The following ELOVL6 variants were observed in gnomAD, a reference collection of about 807,000 sequenced individuals.
ELOVL6 encodes the protein ELOVL fatty acid elongase 6, also known as very long chain fatty acid elongase 6.
A neutral mutation model predicts 31.7 loss-of-function variants in ELOVL6; 8 were observed. That is an observed-to-expected ratio of 0.25 (90% CI 0.15 to 0.45). ELOVL6 has a LOEUF of 0.45. Among genes scored for constraint, ELOVL6 ranks in the 20% least tolerant of loss-of-function variants. The pLI is 1.00. For missense variants in ELOVL6, 126 were observed against 326.4 expected (o/e 0.39, Z 4.73); for synonymous variants, 101 against 117.7 (o/e 0.86, Z 0.92).
intron 1 of ELOVL6, among the ~76,000 whole-genome samples, chr4:110,129,032 T>C (rs976324395): frequency 2.0e-5 from 3 of 152,242 alleles, no homozygotes; most frequent in Admixed American, 2.0e-4. Flanking sequence ...CATTCAGTAC[T>C]CAAAGGCAAA....
chr4:110,094,569 T>C (rs1286286423), intron 2 of ELOVL6, among the ~76,000 whole-genome samples: 1 of 149,118 alleles, frequency 6.7e-6, no homozygotes, highest in Non-Finnish European at 1.5e-5. Context: ...GAAGAGCAAA[T>C]ACAAGGGCCC....
At chr4:110,053,326 A>G (rs1228734505) in intron 3 of ELOVL6, among the ~76,000 whole-genome samples, 1 of 152,222 alleles carries the variant, frequency 6.6e-6, no homozygotes, top group African/African-American at 2.4e-5. Context: ...TACTTCACAG[A>G]TGGCCTAAAA....
chr4:110,082,722 T>C (rs879508007), intron 2 of ELOVL6, among the ~76,000 whole-genome samples: 2 of 152,150 alleles, frequency 1.3e-5, no homozygotes, highest in Non-Finnish European at 2.9e-5. Flanking sequence ...TGTGCACATG[T>C]ACCCTAAAAC....
rs1209172251 is a variant in ELOVL6 at position 110,048,743 on chromosome 4, T to A, written c.*2595A>T. The stretch of plus-strand genomic sequence containing the variant: ...AAAAAATGTGGCTTTTTTCCTCCCA[T>A]GATAAACATTGGAAATGCCTTTAGA... On this transcript the variant is annotated 3_prime_UTR_variant, in exon 4 of 4. Coordinates refer to ENST00000302274, the MANE Select transcript of ELOVL6 (RefSeq NM_024090.3). 6.6e-6 allele frequency: 1 copy of A among 152,214 alleles called. No individual in the cohort carries two copies. The highest frequency in any genetic ancestry group is 1.5e-5 in the Non-Finnish European group (1 of 68,042). 9.4% of individuals were successfully genotyped at this position (152,214 alleles called of 1,614,324 possible).
rs1463091049 is a variant in ELOVL6, at chr4:110,051,822, C to T, written c.374-60G>A. ...CTTGACCACCAGTAACGATGACTTACAGTTTTGTAAGAGGGTAGACATCCT... is the reference window on the plus strand; with the variant it reads ...CTTGACCACCAGTAACGATGACTTATAGTTTTGTAAGAGGGTAGACATCCT... On this transcript the variant is annotated intron_variant, in intron 3 of 3. Coordinates refer to ENST00000302274, the MANE Select transcript of ELOVL6 (RefSeq NM_024090.3). The surrounding 1 kb of genome is among the most constrained non-coding windows in gnomAD (Gnocchi z 4.8). The T allele has an allele frequency of 9.0e-6, 13 of 1,449,624 alleles. No individual in the cohort carries two copies. The highest frequency in any genetic ancestry group is 1.2e-5 in the Non-Finnish European group (13 of 1,057,420). 89.8% of individuals were successfully genotyped at this position (1,449,624 alleles called of 1,614,324 possible). A position where few individuals can be genotyped will look rare whatever the true frequency, so the allele number is the denominator to read the frequency against.
intron 2 of ELOVL6, among the ~76,000 whole-genome samples, chr4:110,068,810 A>G (rs1422249237): frequency 6.6e-6 from 1 of 152,136 alleles, no homozygotes; most frequent in Non-Finnish European, 1.5e-5. Context: ...CCTGATAAAA[A>G]CCACCTGGCA....
chr4:110,110,496 C>T (rs984024849), intron 1 of ELOVL6, among the ~76,000 whole-genome samples: 1 of 150,332 alleles, frequency 6.7e-6, no homozygotes, highest in Admixed American at 6.7e-5. Context: ...CAGCCTCAGC[C>T]TCCAGGGCTC....
intron 1 of ELOVL6, among the ~76,000 whole-genome samples, chr4:110,149,457 T>C (rs1000704473): frequency 6.6e-6 from 1 of 152,166 alleles, no homozygotes; most frequent in Non-Finnish European, 1.5e-5. Flanking sequence ...CATAAAAAGA[T>C]TGAGATCATG....
chr4:110,171,663 T>C (rs1758950185), intron 1 of ELOVL6, among the ~76,000 whole-genome samples: 1 of 148,876 alleles, frequency 6.7e-6, no homozygotes, highest in African/African-American at 2.5e-5. Context: ...TTCATCTGTA[T>C]CTTGCATAAT....
intron 1 of ELOVL6, among the ~76,000 whole-genome samples, chr4:110,176,466 T>A (rs573872303): frequency 1.3e-5 from 2 of 152,112 alleles, no homozygotes; most frequent in Non-Finnish European, 2.9e-5. Flanking sequence ...AGCCTCAAAG[T>A]TTCTATTTTT....
intron 1 of ELOVL6, among the ~76,000 whole-genome samples, chr4:110,120,447 TG>T (rs1300442098): frequency 1.3e-5 from 2 of 152,036 alleles, no homozygotes; most frequent in Non-Finnish European, 2.9e-5. Context: ...GATGTCTGAG[TG>T]TGATAACAAT....
intron 2 of ELOVL6, among the ~76,000 whole-genome samples, chr4:110,093,423 T>A (rs148750319): frequency 2.3e-4 from 35 of 152,334 alleles, no homozygotes; most frequent in African/African-American, 8.4e-4. Flanking sequence ...ACATAAGCAA[T>A]TCAAGTCATA....
chr4:110,069,088 C>T (rs1755388165), intron 2 of ELOVL6, among the ~76,000 whole-genome samples: 1 of 150,926 alleles, frequency 6.6e-6, no homozygotes, highest in Non-Finnish European at 1.5e-5. Context: ...CAAGATTGCG[C>T]CACTGCACTC....
intron 1 of ELOVL6, among the ~76,000 whole-genome samples, chr4:110,178,508 G>A (rs370094890): frequency 2.6e-5 from 4 of 151,548 alleles, no homozygotes; most frequent in African/African-American, 7.3e-5. Flanking sequence ...AGCCAAGATC[G>A]TGCCACTGCA....
At chr4:110,069,168 A>AATAATAATC (rs1755394505) in intron 2 of ELOVL6, among the ~76,000 whole-genome samples, 1 of 138,818 alleles carries the variant, frequency 7.2e-6, no homozygotes, top group Non-Finnish European at 1.5e-5. Flanking sequence ...TAATAATAAT[A>AATAATAATC]ATAGGGACAC....
chr4:110,122,053 C>T (rs914602849), intron 1 of ELOVL6, among the ~76,000 whole-genome samples: 1 of 152,080 alleles, frequency 6.6e-6, no homozygotes, highest in Admixed American at 6.6e-5. Flanking sequence ...GCATACTACA[C>T]CGTTGTTTTG....
intron 2 of ELOVL6, among the ~76,000 whole-genome samples, chr4:110,076,795 C>T (rs1215590833): frequency 3.3e-5 from 5 of 152,228 alleles, no homozygotes; most frequent in Non-Finnish European, 5.9e-5. Flanking sequence ...GGCATAACCT[C>T]ACCCAGGAAG....
chr4:110,196,298 A>G (rs1022820438), intron 1 of ELOVL6, among the ~76,000 whole-genome samples: 1 of 152,058 alleles, frequency 6.6e-6, no homozygotes, highest in Non-Finnish European at 1.5e-5. Context: ...CTGACCACAC[A>G]GGCTAATGCG....
At chr4:110,117,903 A>AAAAAAAAAATATATATAT in intron 1 of ELOVL6, 2 of 6,504 alleles carry the variant, frequency 3.1e-4, no homozygotes, top group South Asian at 0.012. Context: ...AAAAAAAAAA[A>AAAAAAAAAATATATATAT]ATATATATAT....
Sources: gnomAD v4.1 joint callset for allele counts (sites outside exome capture counted in the v4.1 genomes callset) on GRCh38, gnomAD v4.1.1 for gene constraint, Gnocchi (gnomAD v3.1) non-coding constraint, MANE v1.5 for transcripts, NCBI Gene and HGNC (gene_info 2026-07-23, HGNC 2026-07-21) for gene names.